The following CLDN10 variants were observed in gnomAD, a reference collection of about 807,000 sequenced individuals.
CLDN10 encodes claudin-10.
In CLDN10, 15 loss-of-function variants were observed where a neutral mutation model predicts 22.9. That is an observed-to-expected ratio of 0.65 (90% CI 0.44 to 1.01). The LOEUF (loss-of-function observed/expected upper bound fraction) is 1.01, where lower values mean the gene tolerates loss of function less well. CLDN10 is among the 50% of genes least tolerant of loss of function. The pLI, the probability that CLDN10 is intolerant of heterozygous loss-of-function variation, is 0.00. For missense variants in CLDN10, 247 were observed against 287.8 expected, an observed-to-expected ratio of 0.86 and a Z score of 1.03; for synonymous variants, 114 against 111.4, an observed-to-expected ratio of 1.02 and a Z score of -0.15.
intron 1 of CLDN10, chr13:95,480,027 C>T (rs1464095590): frequency 6.6e-6 from 1 of 151,476 alleles, no homozygotes; most frequent in African/African-American, 2.4e-5. Flanking sequence ...ACTCACAGTT[C>T]CACATGGCTA....
At chr13:95,560,102 T>C in intron 1 of CLDN10, 30 bp from the exon 2 acceptor site, 1 of 1,578,156 alleles carries the variant, frequency 6.3e-7, no homozygotes, top group Non-Finnish European at 8.6e-7. Flanking sequence ...ACATGCTTTA[T>C]GTAACGTAAA....
At chr13:95,553,514 A>G (rs1455802274) in intron 1 of CLDN10, among the ~76,000 whole-genome samples, 4 of 152,242 alleles carry the variant, frequency 2.6e-5, no homozygotes, top group African/African-American at 9.6e-5. Flanking sequence ...GGGAAAACAT[A>G]TTGCAGAATT....
intron 1 of CLDN10, among the ~76,000 whole-genome samples, chr13:95,504,847 AT>A (rs1455749419): frequency 6.6e-6 from 1 of 152,150 alleles, no homozygotes; most frequent in Admixed American, 6.5e-5. Context: ...AGCTTTGCAT[AT>A]TTTTAAAAAG....
At chr13:95,486,922 A>C (rs192387595) in intron 1 of CLDN10, among the ~76,000 whole-genome samples, 65 of 152,300 alleles carry the variant, frequency 4.3e-4, no homozygotes, top group Middle Eastern at 6.8e-3. Context: ...TAAAGAAATA[A>C]GGTTTTTGGT....
At chr13:95,466,870 C>G (rs56373868) in intron 1 of CLDN10, among the ~76,000 whole-genome samples, 23,668 of 149,634 alleles carry the variant, frequency 0.16, 2,505 homozygotes, top group Non-Finnish European at 0.24. Flanking sequence ...CTCTATACCC[C>G]CTCTACTTTT....
In CLDN10 at chr13:95,577,312, A is replaced by G; in HGVS notation, c.546A>G (p.Ser182=). Residue 182 remains serine (S), a synonymous_variant, in exon 4 of 5, where the codon TCA becomes TCG. Coordinates refer to ENST00000299339, the MANE Select transcript of CLDN10 (RefSeq NM_006984.5). Reference sequence around the variant, plus strand: ...TTGGTGGTGTCATATTTTGCTTTTCAATATCTGACAACAACAAAACACCCA... The same window carrying G: ...TTGGTGGTGTCATATTTTGCTTTTCGATATCTGACAACAACAAAACACCCA... The part of the protein sequence containing the change: ...CIIGGVIFCF[S]ISDNNKTPRY... 8 of 1,613,622 alleles carry G rather than the reference A, an allele frequency of 5.0e-6. No homozygotes were observed. The highest frequency in any genetic ancestry group is 6.8e-6 in the Non-Finnish European group (8 of 1,179,548).
At chr13:95,473,483 G>A (rs1053879035) in intron 1 of CLDN10, among the ~76,000 whole-genome samples, 1 of 152,228 alleles carries the variant, frequency 6.6e-6, no homozygotes, top group South Asian at 2.1e-4. Context: ...GAGGATGGGG[G>A]GCCAGGGAAC....
At chr13:95,442,515 G>A (rs1274362357) in intron 1 of CLDN10, among the ~76,000 whole-genome samples, 1 of 152,210 alleles carries the variant, frequency 6.6e-6, no homozygotes, top group East Asian at 1.9e-4. Context: ...GCATTTCGAT[G>A]TCAGTTACTC....
At chr13:95,491,835 G>T (rs1177888625) in intron 1 of CLDN10, among the ~76,000 whole-genome samples, 1 of 152,186 alleles carries the variant, frequency 6.6e-6, no homozygotes, top group Non-Finnish European at 1.5e-5. Flanking sequence ...CTGTTGTTCA[G>T]ATTCTTTTGT....
At chr13:95,530,018 G>A (rs1324388430) in intron 1 of CLDN10, among the ~76,000 whole-genome samples, 2 of 152,140 alleles carry the variant, frequency 1.3e-5, no homozygotes, top group Non-Finnish European at 2.9e-5. Context: ...TATTAAAGGT[G>A]AATAAATTTC....
chr13:95,439,012 G>A (rs1203496321), intron 1 of CLDN10, among the ~76,000 whole-genome samples: 2 of 149,574 alleles, frequency 1.3e-5, no homozygotes, highest in African/African-American at 2.5e-5. Flanking sequence ...GAGGGTAAAG[G>A]AATAGCACTT....
chr13:95,512,604 C>G (rs919143507), intron 1 of CLDN10, among the ~76,000 whole-genome samples: 1 of 152,114 alleles, frequency 6.6e-6, no homozygotes, highest in Non-Finnish European at 1.5e-5. Context: ...CTGGGAATTT[C>G]CCAGGGGCCC....
chr13:95,481,638 T>G (rs372984646), intron 1 of CLDN10, among the ~76,000 whole-genome samples: 1 of 152,206 alleles, frequency 6.6e-6, no homozygotes, highest in Non-Finnish European at 1.5e-5. Context: ...CCAGGAAAAC[T>G]TCATTTGTGA....
intron 3 of CLDN10, among the ~76,000 whole-genome samples, chr13:95,569,914 G>A (rs1400887904): frequency 2.6e-5 from 4 of 151,994 alleles, no homozygotes; most frequent in Non-Finnish European, 5.9e-5. Flanking sequence ...GACTACAGGC[G>A]CCCGCCACCG....
At position 95,552,724 on chromosome 13, in the gene CLDN10, C is replaced by G. The variant is rs746547102; in HGVS notation, c.-30C>G. On this transcript the variant is annotated 5_prime_UTR_variant, in exon 1 of 5. Transcript: ENST00000299339. ...GGGGGTCGCGGCGCAGAGTGGGAGC[C>G]GGAGAGCGAGCGCGGCTGCAGCCGG... is the stretch of plus-strand genomic sequence containing the variant. 6.3e-6 allele frequency: 10 copies of G among 1,592,870 alleles called. No homozygotes were observed. The highest frequency in any genetic ancestry group is 2.3e-5 in the East Asian group (1 of 43,882).
At chr13:95,539,412 C>A (rs946698976) in intron 1 of CLDN10, among the ~76,000 whole-genome samples, 2 of 152,116 alleles carry the variant, frequency 1.3e-5, no homozygotes, top group Non-Finnish European at 2.9e-5. Flanking sequence ...TTTCAATATG[C>A]CTTCTCTCAA....
Position 95,472,507 on chromosome 13 carries a change from C to A in CLDN10, c.214+38460C>A, listed in dbSNP as rs193281419. The stretch of plus-strand genomic sequence containing the variant: ...GACCAGTGTGTCCAACATGGCTCTA[C>A]TTAAAATACAAAATTAGCCGGGTGT... On this transcript the variant is annotated intron_variant, in intron 1 of 4. Coordinates refer to the CLDN10 transcript ENST00000376873. 2.0e-5 allele frequency among the ~76,000 whole-genome samples: 3 copies of A among 151,946 alleles called. No homozygotes were observed. In the East Asian group the frequency reaches 5.8e-4, roughly 30 times the overall value.
intron 1 of CLDN10, among the ~76,000 whole-genome samples, chr13:95,494,527 A>G (rs964466675): frequency 1.3e-5 from 2 of 152,364 alleles, no homozygotes; most frequent in East Asian, 1.9e-4. Context: ...GTTGACGTTT[A>G]TCTCTACAAT....
At chr13:95,433,880 T>C in exon 1 of CLDN10, 2 of 1,614,192 alleles carry the variant, frequency 1.2e-6, no homozygotes, top group Non-Finnish European at 1.7e-6. Context: ...GTCGGAGGGT[T>C]TGGAGCTCTC....
Sources: allele counts gnomAD v4.1 joint callset (sites outside exome capture counted in the v4.1 genomes callset), GRCh38; gene constraint gnomAD v4.1.1; transcripts MANE v1.5; gene names NCBI Gene and HGNC (gene_info 2026-07-23, HGNC 2026-07-21).